The following CLIP1 variants were observed in gnomAD, a reference collection of about 807,000 sequenced individuals.
CLIP1 encodes CAP-Gly domain containing linker protein 1.
In CLIP1, 66 loss-of-function variants were observed where a neutral mutation model predicts 161.6. That is an observed-to-expected ratio of 0.41 (90% confidence interval 0.33 to 0.50). CLIP1 has a LOEUF of 0.50. Among genes scored for constraint, CLIP1 ranks in the 20% least tolerant of loss-of-function variants. The probability of loss-of-function intolerance (pLI) is 0.27; values close to 1 mark genes in which losing one functional copy is unlikely to be tolerated. For synonymous variants in CLIP1, 598 were observed against 626.2 expected (o/e 0.96, Z 0.67); for missense variants, 1,376 against 1,702.0 (o/e 0.81, Z 3.37).
chr12:122,393,589 G>A (rs1158903130), intron 1 of CLIP1, among the ~76,000 whole-genome samples: 2 of 152,112 alleles, frequency 1.3e-5, no homozygotes, highest in African/African-American at 4.8e-5. Context: ...CCCATAAAGG[G>A]CTCTTAGTCT....
At chr12:122,319,191 T>A in intron 18 of CLIP1, 41 bp downstream of exon 18, 1 of 1,319,948 alleles carries the variant, frequency 7.6e-7, no homozygotes, top group Non-Finnish European at 1.1e-6. Flanking sequence ...ACCAAGTTGG[T>A]AAGCTGTTCT....
intron 21 of CLIP1, among the ~76,000 whole-genome samples, chr12:122,288,133 A>G (rs1275865353): frequency 6.6e-6 from 1 of 151,960 alleles, no homozygotes; most frequent in Non-Finnish European, 1.5e-5. Flanking sequence ...CCCAGGTTCA[A>G]GTGATTCTCC....
In CLIP1 at chr12:122,340,848, C is replaced by T; in HGVS notation, c.2356G>A (p.Gly786Ser). The stretch of plus-strand genomic sequence containing the variant: ...CTAAGTTTCTTCATTTCCGATTTAC[C>T]TTCGGAACTGGCTTTCCGAAGTGCA... ...LDALRKASSE[G>S]KSEMKKLRQQ... is the part of the protein sequence containing the mutation. The change falls in exon 11 of 26, where the codon GGT becomes AGT. Residue 786 changes from glycine (G) to serine (S), a missense_variant. Physicochemically the swap from Gly to Ser is moderately conservative, Grantham distance 56. Transcript: ENST00000620786. The T allele has an allele frequency of 6.2e-7, 1 of 1,614,088 alleles. No individual in the cohort carries two copies.
Position 122,323,899 on chromosome 12 carries a change from A to T in CLIP1, c.3249+4048T>A, listed in dbSNP as rs1304518398. 6.6e-6 allele frequency: 1 copy of T among 152,604 alleles called. No homozygotes were observed. Among genetic ancestry groups the T allele is most frequent in the East Asian group, 1.9e-4 (1 of 5,184 alleles). 9.5% of individuals were successfully genotyped at this position (152,604 alleles called of 1,614,324 possible). A position where few individuals can be genotyped will look rare whatever the true frequency, so the allele number is the denominator to read the frequency against. ...GTTTCTTGATCTGGTCCTCCAGGTG[A>T]TCTTTTTCTTCCTGGTCCTTCTCAG... On this transcript the variant is annotated intron_variant, in intron 17 of 25. Transcript: ENST00000620786. This position sits in a 1 kb window ranked among gnomAD's most constrained non-coding sequence, Gnocchi z 4.1.
At chr12:122,379,985 C>T (rs1259577848) in intron 2 of CLIP1, among the ~76,000 whole-genome samples, 1 of 138,948 alleles carries the variant, frequency 7.2e-6, no homozygotes, top group Non-Finnish European at 1.5e-5. Context: ...TGGCTCACGC[C>T]TGTAATCTCA....
chr12:122,308,881 GGTAC>G (rs2136497691), intron 20 of CLIP1, among the ~76,000 whole-genome samples: 1 of 152,174 alleles, frequency 6.6e-6, no homozygotes, highest in South Asian at 2.1e-4. Context: ...CATGTCAATG[GGTAC>G]TCAGTACAAC....
chr12:122,298,605 A>T (rs1324776376), intron 20 of CLIP1, among the ~76,000 whole-genome samples: 1 of 151,806 alleles, frequency 6.6e-6, no homozygotes, highest in East Asian at 1.9e-4. Context: ...TCAAAAAAAA[A>T]AAAAAAAAAG....
chr12:122,415,263 C>CCT (rs1481103647), intron 1 of CLIP1, among the ~76,000 whole-genome samples: 19 of 146,416 alleles, frequency 1.3e-4, no homozygotes, highest in Middle Eastern at 4.1e-3. Context: ...GGGCGGATCA[C>CCT]GAGGTCAGGA....
intron 3 of CLIP1, among the ~76,000 whole-genome samples, chr12:122,372,865 A>G (rs554441010): frequency 6.6e-6 from 1 of 152,286 alleles, no homozygotes; most frequent in South Asian, 2.1e-4. Flanking sequence ...CTCCCACCCA[A>G]AAAGAGCCCA....
At chr12:122,307,503 TG>T (rs1339208565) in intron 20 of CLIP1, among the ~76,000 whole-genome samples, 8 of 152,200 alleles carry the variant, frequency 5.3e-5, no homozygotes, top group Non-Finnish European at 1.2e-4. Context: ...TAGTCTCCAC[TG>T]TCTCGATTTT....
In CLIP1 at chr12:122,276,517, ACT is replaced by A; in HGVS notation, c.3966+1635_3966+1636del. ...CAGAAAGGAAGGGGGAAGAGAAGAC[ACT>A]GTTAGTTATTAAGCCCAGTAGACAT... is the stretch of plus-strand genomic sequence containing the variant. On this transcript the variant is annotated intron_variant, in intron 24 of 25. Coordinates refer to ENST00000620786, the MANE Select transcript of CLIP1 (RefSeq NM_001247997.2). The A allele has an allele frequency of 3.1e-6, 4 of 1,276,564 alleles. No homozygotes were observed. The East Asian group carries it at 2.2e-4, about 71-fold the overall frequency. The allele number at this position is 1,276,564 out of a possible 1,614,324, so 79.1% of individuals were successfully genotyped here.
intron 23 of CLIP1, 82 bp downstream of exon 23, chr12:122,278,710 T>C: frequency 7.0e-7 from 1 of 1,418,582 alleles, no homozygotes. Context: ...ATGAGAGCTG[T>C]CTTCGAAGAG....
At chr12:122,382,547 C>T (rs1329055558) in intron 1 of CLIP1, among the ~76,000 whole-genome samples, 2 of 150,844 alleles carry the variant, frequency 1.3e-5, no homozygotes, top group African/African-American at 2.4e-5. Context: ...AAGAAGGCCA[C>T]GTGAAAACAG....
rs1326625935 is a variant in CLIP1 at position 122,311,887 on chromosome 12, C to G, written c.3474-2005G>C. ...ATAAAGCCAGAAAGCAGCAAAACCA[C>G]AAGAACAGGAGCTACAGCTGGCAGA... On this transcript the variant is annotated intron_variant, in intron 19 of 25. Transcript: ENST00000620786. This position sits in a 1 kb window ranked among gnomAD's most constrained non-coding sequence, Gnocchi z 4.3. Among the ~76,000 whole-genome samples, 1 of 152,160 alleles carries G rather than the reference C, an allele frequency of 6.6e-6. No homozygotes were observed. Among genetic ancestry groups the G allele is most frequent in the Admixed American group, 6.5e-5 (1 of 15,268 alleles).
At chr12:122,365,665 C>G in intron 3 of CLIP1, 1 of 667,240 alleles carries the variant, frequency 1.5e-6, no homozygotes, top group Non-Finnish European at 2.5e-6. Flanking sequence ...AATAAAGGAC[C>G]TCTGGGCTAT....
chr12:122,395,652 C>CA (rs1429993909), intron 1 of CLIP1: 3 of 152,206 alleles, frequency 2.0e-5, no homozygotes, highest in African/African-American at 7.2e-5. Context: ...TGCTGACCAG[C>CA]ATCAGCAACA....
chr12:122,299,006 G>A (rs1277830327), intron 20 of CLIP1, among the ~76,000 whole-genome samples: 1 of 152,138 alleles, frequency 6.6e-6, no homozygotes, highest in South Asian at 2.1e-4. Context: ...CGGGGGTATC[G>A]TGACTGCCTG....
chr12:122,290,711 T>C (rs1956064907), intron 20 of CLIP1, among the ~76,000 whole-genome samples: 1 of 152,064 alleles, frequency 6.6e-6, no homozygotes. Context: ...TCTTAGAGGG[T>C]CCATGTGCCT....
At chr12:122,274,822 G>A (rs1029514324) in intron 24 of CLIP1, 2 of 151,502 alleles carry the variant, frequency 1.3e-5, no homozygotes, top group Non-Finnish European at 2.9e-5. Flanking sequence ...ATACATGTGT[G>A]AGCCACGGTG....
Sources: gnomAD v4.1 joint callset for allele counts (sites outside exome capture counted in the v4.1 genomes callset) on GRCh38, gnomAD v4.1.1 for gene constraint, Gnocchi (gnomAD v3.1) non-coding constraint, MANE v1.5 for transcripts, NCBI Gene and HGNC (gene_info 2026-07-23, HGNC 2026-07-21) for gene names.